RTL4: variants seen among roughly 807,000 people sequenced by gnomAD.
RTL4 encodes the protein retrotransposon Gag-like protein 4.
RTL4 carries 4 observed loss-of-function variants against 5.3 expected under a neutral mutation model. The ratio of observed to expected loss-of-function variants is 0.75; its 90% CI spans 0.37 to 1.72. The LOEUF is 1.72. Ranked by LOEUF, RTL4 falls within the 40% of genes most tolerant of loss-of-function variation. RTL4 has a pLI of 0.04. For synonymous variants in RTL4, 98 were observed against 87.3 expected, an observed-to-expected ratio of 1.12 and a Z score of -0.68; for missense variants, 260 against 227.1, an observed-to-expected ratio of 1.14 and a Z score of -0.93.
At chrX:112,326,876 G>A in the RTL4 span, among the ~76,000 whole-genome samples, 261 of 111,488 alleles carry the variant, frequency 2.3e-3, 1 homozygote, top group African/African-American at 7.7e-3. Flanking sequence ...TAACTGGGAG[G>A]CACCCCCCAG....
chrX:112,380,707 G>C, the RTL4 span, among the ~76,000 whole-genome samples: 1 of 112,615 alleles, frequency 8.9e-6, no homozygotes, highest in Admixed American at 9.3e-5. Context: ...AGAAAGGAGC[G>C]GGTGAAGGGG....
chrX:112,411,742 G>A, the RTL4 span, among the ~76,000 whole-genome samples: 1 of 111,138 alleles, frequency 9.0e-6, no homozygotes, highest in Non-Finnish European at 1.9e-5. Flanking sequence ...CACACAGTTA[G>A]CATCATACTA....
At chrX:112,178,190 A>C in the RTL4 span, among the ~76,000 whole-genome samples, 12 of 111,429 alleles carry the variant, frequency 1.1e-4, no homozygotes, top group East Asian at 3.4e-3. Flanking sequence ...CTGTTTAGCC[A>C]AGCTCCCCTT....
chrX:112,212,403 G>T, the RTL4 span, among the ~76,000 whole-genome samples: 3 of 112,202 alleles, frequency 2.7e-5, no homozygotes, highest in African/African-American at 9.7e-5. Context: ...AAAAATAAAA[G>T]AAGTGAAGTA....
the RTL4 span, among the ~76,000 whole-genome samples, chrX:112,145,332 A>G: frequency 9.0e-6 from 1 of 111,696 alleles, no homozygotes; most frequent in Non-Finnish European, 1.9e-5. Flanking sequence ...CACCAGAGTG[A>G]ATTAATGTCA....
At chrX:112,164,733 T>C in the RTL4 span, among the ~76,000 whole-genome samples, 1 of 112,205 alleles carries the variant, frequency 8.9e-6, no homozygotes, top group African/African-American at 3.2e-5. Flanking sequence ...GAACTCTGAC[T>C]CTGGTGTATT....
the RTL4 span, among the ~76,000 whole-genome samples, chrX:112,247,035 T>C: frequency 9.0e-6 from 1 of 111,701 alleles, no homozygotes; most frequent in African/African-American, 3.3e-5. Context: ...GCACAATACA[T>C]TATAAATTAT....
the RTL4 span, among the ~76,000 whole-genome samples, chrX:112,444,349 T>C: frequency 8.9e-6 from 1 of 112,077 alleles, no homozygotes; most frequent in Non-Finnish European, 1.9e-5. Context: ...ACTATAGCTC[T>C]GTAGCATAAT....
chrX:112,181,967 G>T, the RTL4 span, among the ~76,000 whole-genome samples: 1 of 111,512 alleles, frequency 9.0e-6, no homozygotes, highest in South Asian at 3.8e-4. Context: ...CCTCTGGGAT[G>T]AAGTTTCCAG....
the RTL4 span, among the ~76,000 whole-genome samples, chrX:112,406,421 C>T: frequency 2.7e-5 from 3 of 110,195 alleles, no homozygotes; most frequent in African/African-American, 9.9e-5. Context: ...GAAGAGAGAG[C>T]GAGGGGAGAG....
the RTL4 span, among the ~76,000 whole-genome samples, chrX:112,347,534 A>T: frequency 9.0e-6 from 1 of 111,443 alleles, no homozygotes; most frequent in African/African-American, 3.3e-5. Flanking sequence ...AGACCACAAA[A>T]TCCAGGTGGA....
chrX:112,162,302 T>G, the RTL4 span, among the ~76,000 whole-genome samples: 1 of 111,618 alleles, frequency 9.0e-6, no homozygotes. Flanking sequence ...AGGACTCAGG[T>G]TTTCTGCTCC....
chrX:112,175,777 T>C, the RTL4 span, among the ~76,000 whole-genome samples: 6 of 111,169 alleles, frequency 5.4e-5, no homozygotes, highest in Non-Finnish European at 1.1e-4. Flanking sequence ...AATATCATAC[T>C]GAATGGGCAA....
chrX:112,389,332 C>CAAAA, the RTL4 span, among the ~76,000 whole-genome samples: 4 of 89,234 alleles, frequency 4.5e-5, no homozygotes, highest in African/African-American at 1.6e-4. Context: ...TTAATTTTCT[C>CAAAA]AAAAAAAAAA....
the RTL4 span, among the ~76,000 whole-genome samples, chrX:112,308,348 C>T: frequency 9.0e-6 from 1 of 111,600 alleles, no homozygotes; most frequent in South Asian, 3.8e-4. Context: ...GCTGGATCTT[C>T]CCACTACCCT....
At chrX:112,083,925 T>G in the RTL4 span, among the ~76,000 whole-genome samples, 1,907 of 110,825 alleles carry the variant, frequency 0.017, 45 homozygotes, top group African/African-American at 0.06. Flanking sequence ...AATATTGGCT[T>G]TGTCTTTTAT....
the RTL4 span, among the ~76,000 whole-genome samples, chrX:112,419,575 GTA>G: frequency 0.081 from 3,759 of 46,249 alleles, 383 homozygotes; most frequent in African/African-American, 0.32. Context: ...GGCCAAGGTA[GTA>G]TATATATATA....
the RTL4 span, among the ~76,000 whole-genome samples, chrX:112,122,425 A>G: frequency 9.0e-6 from 1 of 110,792 alleles, no homozygotes; most frequent in Admixed American, 9.7e-5. Context: ...GATGGTTACC[A>G]GAGCCTGGGA....
the RTL4 span, among the ~76,000 whole-genome samples, chrX:112,389,575 C>T: frequency 9.0e-6 from 1 of 110,962 alleles, no homozygotes; most frequent in Non-Finnish European, 1.9e-5. Context: ...TAGCTATGTC[C>T]CAGAGATTCT....
Sources: gnomAD v4.1 joint callset for allele counts (sites outside exome capture counted in the v4.1 genomes callset) on GRCh38, gnomAD v4.1.1 for gene constraint, MANE v1.5 for transcripts, NCBI Gene and HGNC (gene_info 2026-07-23, HGNC 2026-07-21) for gene names.